Variants in LRP1B observed in about 807,000 individuals in gnomAD.
LRP1B encodes LDL receptor related protein 1B.
LRP1B carries 217 observed loss-of-function variants against 556.6 expected under a neutral mutation model. The observed-to-expected ratio is 0.39, with a 90% CI of 0.35 to 0.44. The LOEUF (loss-of-function observed/expected upper bound fraction) is 0.44, where lower values mean the gene tolerates loss of function less well. Among genes scored for constraint, LRP1B ranks in the 20% least tolerant of loss-of-function variants. The probability of loss-of-function intolerance (pLI) is 1.00; values close to 1 mark genes in which losing one functional copy is unlikely to be tolerated. For synonymous variants in LRP1B, 2,047 were observed against 1,865.8 expected, an observed-to-expected ratio of 1.10 and a Z score of -2.50; for missense variants, 5,053 against 5,620.8, an observed-to-expected ratio of 0.90 and a Z score of 3.23.
intron 89 of LRP1B, among the ~76,000 whole-genome samples, chr2:140,236,934 G>C (rs1424938619): frequency 6.7e-6 from 1 of 150,160 alleles, no homozygotes; most frequent in South Asian, 2.1e-4. Flanking sequence ...ACTGTGTTTT[G>C]TTATGTTTTT....
chr2:140,487,604 A>G lies in LRP1B; in HGVS notation c.9243+13T>C, dbSNP rs549683675. 1.5e-5 allele frequency: 24 copies of G among 1,602,272 alleles called. No individual in the cohort carries two copies. The East Asian group carries it at 4.5e-4, about 30-fold the overall frequency. Reference sequence around the variant, plus strand: ...TAATATTCAACAATCCCATCATTGTAATATTTAGTTACCTTAATGTCACTT... The same window carrying G: ...TAATATTCAACAATCCCATCATTGTGATATTTAGTTACCTTAATGTCACTT... On this transcript the variant is annotated intron_variant, in intron 58 of 90. Transcript: ENST00000389484.
intron 41 of LRP1B, among the ~76,000 whole-genome samples, chr2:140,616,378 C>A (rs1167311356): frequency 1.3e-5 from 2 of 151,850 alleles, no homozygotes; most frequent in Non-Finnish European, 2.9e-5. Context: ...TCCCAACATT[C>A]TCAATTTAAA....
At chr2:141,517,126 C>G (rs754568591) in intron 2 of LRP1B, among the ~76,000 whole-genome samples, 23 of 151,296 alleles carry the variant, frequency 1.5e-4, no homozygotes, top group Non-Finnish European at 3.2e-4. Context: ...AATATGTCTA[C>G]CCTTTTATGT....
chr2:141,159,171 A>G lies in LRP1B; in HGVS notation c.1013+29250T>C, dbSNP rs560231525. ...TCACATTTAGATTAGTCGTTATAAA[A>G]CAACATATTTCTCACATATCACCTT... is the stretch of plus-strand genomic sequence containing the variant. On this transcript the variant is annotated intron_variant, in intron 7 of 90. Transcript: ENST00000389484. Among the ~76,000 whole-genome samples the G allele has an allele frequency of 4.0e-4, 61 of 152,294 alleles. No individual in the cohort carries two copies. In the South Asian group the frequency reaches 0.012, roughly 31 times the overall value.
At chr2:140,677,726 A>AG (rs1025408049) in intron 41 of LRP1B, among the ~76,000 whole-genome samples, 4 of 151,406 alleles carry the variant, frequency 2.6e-5, no homozygotes, top group East Asian at 3.9e-4. Context: ...TACAAAAAAA[A>AG]CTAGCCAGGC....
At chr2:141,533,478 C>T (rs1177619068) in intron 2 of LRP1B, among the ~76,000 whole-genome samples, 1 of 152,156 alleles carries the variant, frequency 6.6e-6, no homozygotes, top group Admixed American at 6.6e-5. Context: ...GGTAAGTATA[C>T]ATTTATACAT....
chr2:141,121,511 A>G (rs965157993), intron 7 of LRP1B, among the ~76,000 whole-genome samples: 2 of 152,090 alleles, frequency 1.3e-5, no homozygotes, highest in African/African-American at 2.4e-5. Context: ...TGCTTCAAAG[A>G]GAATAAAATA....
intron 18 of LRP1B, among the ~76,000 whole-genome samples, chr2:140,963,557 TAAAG>T (rs919295682): frequency 6.6e-6 from 1 of 152,148 alleles, no homozygotes; most frequent in African/African-American, 2.4e-5. Flanking sequence ...GTCAGCATCA[TAAAG>T]ACAGTTAAAA....
chr2:140,908,704 T>C (rs1039838209), intron 21 of LRP1B, among the ~76,000 whole-genome samples: 5 of 152,166 alleles, frequency 3.3e-5, no homozygotes, highest in African/African-American at 7.2e-5. Flanking sequence ...TAGAATTTTT[T>C]TATTGTTTCT....
At chr2:140,293,749 C>T (rs567396979) in intron 84 of LRP1B, among the ~76,000 whole-genome samples, 51 of 152,184 alleles carry the variant, frequency 3.4e-4, no homozygotes, top group African/African-American at 1.2e-3. Flanking sequence ...ATGCCACTGT[C>T]CACAGACTTA....
At chr2:140,775,528 AAAAAGT>A (rs1359042519) in intron 33 of LRP1B, among the ~76,000 whole-genome samples, 6 of 146,660 alleles carry the variant, frequency 4.1e-5, no homozygotes, top group Admixed American at 1.4e-4. Flanking sequence ...ATTATGAAGC[AAAAAGT>A]AAGAAAGGAC....
chr2:141,333,710 A>G (rs999111986), intron 3 of LRP1B, among the ~76,000 whole-genome samples: 4 of 152,242 alleles, frequency 2.6e-5, no homozygotes, highest in Admixed American at 6.5e-5. Context: ...ATAATTTACT[A>G]GGACCAACTT....
intron 1 of LRP1B, among the ~76,000 whole-genome samples, chr2:141,960,657 C>A (rs1315070815): frequency 6.6e-6 from 1 of 151,822 alleles, no homozygotes; most frequent in East Asian, 1.9e-4. Flanking sequence ...ATCTCTCTTC[C>A]TATTCATTTG....
intron 2 of LRP1B, among the ~76,000 whole-genome samples, chr2:141,657,840 A>G (rs1396276141): frequency 6.6e-6 from 1 of 152,158 alleles, no homozygotes; most frequent in East Asian, 1.9e-4. Flanking sequence ...TTTGTTAAGT[A>G]AAACATCCTC....
intron 2 of LRP1B, among the ~76,000 whole-genome samples, chr2:141,594,504 A>T (rs964384894): frequency 3.2e-4 from 48 of 152,300 alleles, no homozygotes; most frequent in African/African-American, 1.2e-3. Flanking sequence ...TCTAAAACTT[A>T]GAGTGCTAGT....
intron 7 of LRP1B, among the ~76,000 whole-genome samples, chr2:141,171,954 C>T (rs1439205151): frequency 6.6e-6 from 1 of 151,998 alleles, no homozygotes; most frequent in Admixed American, 6.6e-5. Context: ...AGAAAATGGA[C>T]CCCATCAGAA....
chr2:141,717,840 A>C lies in LRP1B; in HGVS notation c.205+92439T>G, dbSNP rs898743796. Reference sequence around the variant, plus strand: ...ATACAATCATTACTAATGTTAAAACAATAGTGTAAATGATCTTATCTTGCT... The same window carrying C: ...ATACAATCATTACTAATGTTAAAACCATAGTGTAAATGATCTTATCTTGCT... On this transcript the variant is annotated intron_variant, in intron 2 of 90. Coordinates refer to ENST00000389484, the MANE Select transcript of LRP1B (RefSeq NM_018557.3). Among the ~76,000 whole-genome samples, 11 of 152,246 alleles carry C rather than the reference A, an allele frequency of 7.2e-5. 1 individual carries two copies.
chr2:140,313,433 A>C (rs1201654624), intron 83 of LRP1B, among the ~76,000 whole-genome samples: 2 of 151,928 alleles, frequency 1.3e-5, no homozygotes, highest in East Asian at 3.9e-4. Context: ...AGGATGCATC[A>C]AGACAGCAAA....
At chr2:140,247,395 T>C (rs1008198302) in intron 86 of LRP1B, among the ~76,000 whole-genome samples, 4 of 151,652 alleles carry the variant, frequency 2.6e-5, no homozygotes, top group African/African-American at 4.8e-5. Flanking sequence ...ATAGACATTT[T>C]ACTTATTCTG....
Sources: gnomAD v4.1 joint callset for allele counts (sites outside exome capture counted in the v4.1 genomes callset) on GRCh38, gnomAD v4.1.1 for gene constraint, MANE v1.5 for transcripts, NCBI Gene and HGNC (gene_info 2026-07-23, HGNC 2026-07-21) for gene names.